Variants in MGMT observed in about 807,000 individuals in gnomAD.
The protein encoded by MGMT is methylated-DNA--protein-cysteine methyltransferase.
A neutral mutation model predicts 15.9 loss-of-function variants in MGMT; 14 were observed. The ratio of observed to expected loss-of-function variants is 0.88; its 90% CI spans 0.58 to 1.37. The LOEUF is 1.37. Ranked by LOEUF, MGMT falls within the 40% of genes most tolerant of loss-of-function variation. The pLI is 0.00. For synonymous variants in MGMT, 130 were observed against 118.2 expected, an observed-to-expected ratio of 1.10 and a Z score of -0.65; for missense variants, 282 against 268.1, an observed-to-expected ratio of 1.05 and a Z score of -0.36.
At chr10:129,706,276 A>C (rs7085289) in intron 2 of MGMT, among the ~76,000 whole-genome samples, 125,520 of 152,234 alleles carry the variant, frequency 0.82, 52,156 homozygotes, top group African/African-American at 0.94. Flanking sequence ...GGCCGTGCAT[A>C]CCTTGTGTGG....
intron 2 of MGMT, among the ~76,000 whole-genome samples, chr10:129,606,662 C>A (rs56386704): frequency 0.026 from 3,946 of 152,156 alleles, 82 homozygotes; most frequent in South Asian, 0.064. Flanking sequence ...TGTGGAGCCC[C>A]GGTAATTAAA....
At chr10:129,514,079 C>G (rs1433345432) in intron 1 of MGMT, among the ~76,000 whole-genome samples, 1 of 152,226 alleles carries the variant, frequency 6.6e-6, no homozygotes, top group African/African-American at 2.4e-5. Context: ...AGATTTTCAT[C>G]TGTGAATGTT....
At chr10:129,493,072 C>T (rs1845485438) in intron 1 of MGMT, among the ~76,000 whole-genome samples, 3 of 152,162 alleles carry the variant, frequency 2.0e-5, no homozygotes, top group Non-Finnish European at 2.9e-5. Flanking sequence ...TCTTGTAACT[C>T]TTACGATGAC....
chr10:129,700,933 A>G lies in MGMT; in HGVS notation c.126-6962A>G, dbSNP rs143364142. On this transcript the variant is annotated intron_variant, in intron 2 of 4. Transcript: ENST00000651593. ...GCGTGGATAATCTTTGGCTGAAGGC[A>G]TGTTCCTTCCTACATGAGCCCCGGA... The G allele has an allele frequency of 2.5e-3, 387 of 152,326 alleles. 3 individuals carry two copies. Among genetic ancestry groups the G allele is most frequent in the Non-Finnish European group, 4.6e-3 (310 of 68,036 alleles). The allele number at this position is 152,326 out of a possible 1,614,324, so 9.4% of individuals were successfully genotyped here. A position where few individuals can be genotyped will look rare whatever the true frequency, so the allele number is the denominator to read the frequency against.
intron 1 of MGMT, among the ~76,000 whole-genome samples, chr10:129,487,133 C>A (rs1013747801): frequency 6.6e-6 from 1 of 152,012 alleles, no homozygotes; most frequent in Non-Finnish European, 1.5e-5. Context: ...GAAGCCATGC[C>A]CACTCTTGAC....
chr10:129,751,338 T>C (rs1848748460), intron 3 of MGMT, among the ~76,000 whole-genome samples: 1 of 152,016 alleles, frequency 6.6e-6, no homozygotes, highest in Non-Finnish European at 1.5e-5. Context: ...TACCTTATTA[T>C]CTCTTTAATA....
At chr10:129,574,256 T>A (rs191644758) in intron 2 of MGMT, among the ~76,000 whole-genome samples, 211 of 152,354 alleles carry the variant, frequency 1.4e-3, no homozygotes, top group African/African-American at 4.9e-3. Flanking sequence ...AGCAAATATA[T>A]GCTTTTCTGT....
intron 1 of MGMT, among the ~76,000 whole-genome samples, chr10:129,470,382 C>A (rs1845216774): frequency 6.6e-6 from 1 of 152,110 alleles, no homozygotes; most frequent in Non-Finnish European, 1.5e-5. Flanking sequence ...GTCTAGTTTT[C>A]TTTTGACTTA....
chr10:129,569,136 G>C (rs984971197), intron 2 of MGMT, among the ~76,000 whole-genome samples: 5 of 152,202 alleles, frequency 3.3e-5, no homozygotes, highest in African/African-American at 1.2e-4. Context: ...GGTTACCTCA[G>C]CTGTTGAACT....
intron 2 of MGMT, chr10:129,700,087 A>G (rs1244508586): frequency 2.6e-5 from 4 of 152,102 alleles, no homozygotes; most frequent in Admixed American, 6.5e-5. Flanking sequence ...TTGCGTTGGA[A>G]ATCAGTAGGG....
intron 1 of MGMT, among the ~76,000 whole-genome samples, chr10:129,519,683 A>G (rs1845782930): frequency 6.6e-6 from 1 of 152,186 alleles, no homozygotes; most frequent in Non-Finnish European, 1.5e-5. Flanking sequence ...TGTCTCATGC[A>G]AGAATTCTTC....
At chr10:129,469,838 C>A (rs1283732582) in intron 1 of MGMT, among the ~76,000 whole-genome samples, 4 of 152,098 alleles carry the variant, frequency 2.6e-5, no homozygotes, top group Non-Finnish European at 5.9e-5. Flanking sequence ...TCCCAAGTAC[C>A]AGGGACTACA....
intron 2 of MGMT, among the ~76,000 whole-genome samples, chr10:129,605,474 C>T (rs1003879436): frequency 6.6e-6 from 1 of 152,098 alleles, no homozygotes; most frequent in Non-Finnish European, 1.5e-5. Context: ...TTCACTTATT[C>T]ATATTGTAGG....
intron 1 of MGMT, among the ~76,000 whole-genome samples, chr10:129,527,313 C>T (rs1200451116): frequency 6.6e-6 from 1 of 152,320 alleles, no homozygotes; most frequent in South Asian, 2.1e-4. Flanking sequence ...CCCTTAGGAC[C>T]GATGGTTCGA....
intron 2 of MGMT, among the ~76,000 whole-genome samples, chr10:129,579,024 G>A (rs1354741260): frequency 6.6e-6 from 1 of 152,096 alleles, no homozygotes; most frequent in East Asian, 1.9e-4. Flanking sequence ...CATTAGATAC[G>A]ACTTCAGTTC....
chr10:129,497,077 T>C (rs1349714227), intron 1 of MGMT, among the ~76,000 whole-genome samples: 1 of 152,172 alleles, frequency 6.6e-6, no homozygotes. Flanking sequence ...CTGATTTTAA[T>C]AGGGGGAGCA....
intron 3 of MGMT, among the ~76,000 whole-genome samples, chr10:129,745,749 T>C (rs969134249): frequency 3.9e-5 from 6 of 152,206 alleles, no homozygotes; most frequent in African/African-American, 1.2e-4. Flanking sequence ...GACCCCTCCT[T>C]ATATCCTCTT....
chr10:129,702,718 C>T (rs1380349844), intron 2 of MGMT, among the ~76,000 whole-genome samples: 3 of 152,236 alleles, frequency 2.0e-5, no homozygotes, highest in African/African-American at 7.2e-5. Flanking sequence ...AGGATTTGGG[C>T]TTCCGAGCAA....
chr10:129,727,287 A>G (rs376763653), intron 3 of MGMT, among the ~76,000 whole-genome samples: 147 of 152,302 alleles, frequency 9.7e-4, no homozygotes, highest in Middle Eastern at 3.4e-3. Flanking sequence ...ACCTGCTGTG[A>G]GGGCAGCCAG....
Sources: gnomAD v4.1 joint callset for allele counts (sites outside exome capture counted in the v4.1 genomes callset) on GRCh38, gnomAD v4.1.1 for gene constraint, MANE v1.5 for transcripts, NCBI Gene and HGNC (gene_info 2026-07-23, HGNC 2026-07-21) for gene names.